The following PRUNE2 variants were observed in gnomAD, a reference collection of about 807,000 sequenced individuals.
PRUNE2 encodes the protein protein prune homolog 2.
PRUNE2 carries 164 observed loss-of-function variants against 252.0 expected under a neutral mutation model. That is an observed-to-expected ratio of 0.65 (90% confidence interval 0.57 to 0.74). The LOEUF is 0.74. Among genes scored for constraint, PRUNE2 ranks in the 30% least tolerant of loss-of-function variants. The pLI, the probability that PRUNE2 is intolerant of heterozygous loss-of-function variation, is 0.00. For synonymous variants in PRUNE2, 1,292 were observed against 1,350.2 expected, an observed-to-expected ratio of 0.96 and a Z score of 0.94; for missense variants, 3,495 against 3,711.0, an observed-to-expected ratio of 0.94 and a Z score of 1.51.
chr9:76,699,943 T>C (rs2045736496), intron 9 of PRUNE2, among the ~76,000 whole-genome samples: 1 of 152,308 alleles, frequency 6.6e-6, no homozygotes, highest in East Asian at 1.9e-4. Context: ...CATCCATCAC[T>C]GTCTTGGGGA....
chr9:76,821,963 C>A (rs1358357233), intron 6 of PRUNE2, among the ~76,000 whole-genome samples: 2 of 152,012 alleles, frequency 1.3e-5, no homozygotes, highest in African/African-American at 4.8e-5. Context: ...GAAGGAATTC[C>A]AAACAAGGCA....
chr9:76,866,584 T>C (rs2060850784), intron 1 of PRUNE2, among the ~76,000 whole-genome samples: 1 of 152,202 alleles, frequency 6.6e-6, no homozygotes, highest in Non-Finnish European at 1.5e-5. Flanking sequence ...TAGCCCTTTT[T>C]GCAAAACGCT....
intron 6 of PRUNE2, among the ~76,000 whole-genome samples, chr9:76,720,439 G>C (rs2047534806): frequency 6.6e-6 from 1 of 152,116 alleles, no homozygotes; most frequent in African/African-American, 2.4e-5. Context: ...TCACTAGCTG[G>C]GTGACTCAAA....
intron 1 of PRUNE2, among the ~76,000 whole-genome samples, chr9:76,882,996 G>T (rs1039951281): frequency 6.6e-6 from 1 of 152,064 alleles, no homozygotes; most frequent in African/African-American, 2.4e-5. Flanking sequence ...CCTCTTTCAG[G>T]CCTCAGTTTT....
At position 76,802,752 on chromosome 9, in the gene PRUNE2, T is replaced by C. The variant is rs1457669254; in HGVS notation, c.756+20880A>G. The stretch of plus-strand genomic sequence containing the variant: ...AGAGAAAGCTTCATGCACTTTAAAT[T>C]TGTCTACAAAAAAAAAGTACTAATA... On this transcript the variant is annotated intron_variant, in intron 6 of 18. Transcript: ENST00000376718. Among the ~76,000 whole-genome samples the C allele has an allele frequency of 3.4e-5, 5 of 148,614 alleles. No individual in the cohort carries two copies. The South Asian group carries it at 6.6e-4, about 20-fold the overall frequency.
In PRUNE2 at chr9:76,709,759, T is replaced by G. The variant is rs1184187919; in HGVS notation, c.2515A>C (p.Ser839Arg). The change falls in exon 8 of 19, where the codon AGT (serine) becomes CGT (arginine). Residue 839 changes from serine to arginine, a missense_variant. Transcript: ENST00000376718. ...RDPNEWAMAKSGFAFSSSELL... is the reference protein window; with the variant it reads ...RDPNEWAMAKRGFAFSSSELL... Reference sequence around the variant, plus strand: ...TCTGAAGAAGAAAAGGCAAACCCACTTTTTGCCATGGCCCACTCATTCGGG... The same window carrying G: ...TCTGAAGAAGAAAAGGCAAACCCACGTTTTGCCATGGCCCACTCATTCGGG... 2 of 1,613,874 alleles carry G rather than the reference T, an allele frequency of 1.2e-6. No homozygotes were observed. Among genetic ancestry groups the G allele is most frequent in the African/African-American group, 2.7e-5 (2 of 74,934 alleles).
chr9:76,831,385 T>C (rs981796918), intron 4 of PRUNE2, among the ~76,000 whole-genome samples: 14 of 152,218 alleles, frequency 9.2e-5, no homozygotes, highest in East Asian at 3.9e-4. Flanking sequence ...AAGAAAAACA[T>C]TGGACAATGT....
intron 13 of PRUNE2, 77 bp from the exon 14 acceptor site, chr9:76,637,626 C>T: frequency 2.2e-6 from 3 of 1,336,756 alleles, no homozygotes; most frequent in Admixed American, 2.1e-5. Flanking sequence ...ATCAAAAGTA[C>T]AGGGTGTATG....
At chr9:76,663,844 T>A (rs938091998) in intron 9 of PRUNE2, among the ~76,000 whole-genome samples, 2 of 152,204 alleles carry the variant, frequency 1.3e-5, no homozygotes, top group Non-Finnish European at 2.9e-5. Flanking sequence ...ATGAATAGAT[T>A]TGTTTGTTGT....
intron 1 of PRUNE2, among the ~76,000 whole-genome samples, chr9:76,854,716 T>G (rs1393501019): frequency 6.6e-6 from 1 of 152,108 alleles, no homozygotes; most frequent in Non-Finnish European, 1.5e-5. Context: ...ATTTAGTAAA[T>G]GAAACTTGTA....
intron 4 of PRUNE2, among the ~76,000 whole-genome samples, chr9:76,828,540 A>G (rs1172321938): frequency 1.3e-5 from 2 of 152,214 alleles, no homozygotes; most frequent in African/African-American, 2.4e-5. Context: ...AAAAATTTAG[A>G]TAAGGAATAT....
chr9:76,761,676 G>A (rs1424874703), intron 6 of PRUNE2, among the ~76,000 whole-genome samples: 2 of 152,118 alleles, frequency 1.3e-5, no homozygotes, highest in African/African-American at 4.8e-5. Flanking sequence ...GAAAGTGAAA[G>A]TCTTTAGAAA....
At chr9:76,750,912 A>T (rs2050555420) in intron 6 of PRUNE2, among the ~76,000 whole-genome samples, 1 of 152,212 alleles carries the variant, frequency 6.6e-6, no homozygotes, top group Non-Finnish European at 1.5e-5. Flanking sequence ...GGGAATGTGG[A>T]CTGGGATTGA....
intron 2 of PRUNE2, among the ~76,000 whole-genome samples, chr9:76,853,414 C>T (rs116288740): frequency 9.9e-5 from 15 of 152,074 alleles, no homozygotes; most frequent in East Asian, 9.6e-4. Flanking sequence ...TTAGGCTTTA[C>T]GTTAATAAAA....
At chr9:76,858,277 A>G (rs1443876015) in intron 1 of PRUNE2, among the ~76,000 whole-genome samples, 1 of 152,186 alleles carries the variant, frequency 6.6e-6, no homozygotes, top group African/African-American at 2.4e-5. Flanking sequence ...GAACCAAATA[A>G]TCAGATAATT....
intron 6 of PRUNE2, among the ~76,000 whole-genome samples, chr9:76,745,305 T>C (rs905528756): frequency 6.6e-6 from 1 of 152,200 alleles, no homozygotes; most frequent in African/African-American, 2.4e-5. Context: ...CAGGCTAGGA[T>C]GAGAGGAATT....
Position 76,709,113 on chromosome 9 carries a change from T to A in PRUNE2, c.3161A>T (p.Glu1054Val), listed in dbSNP as rs576501574. ...ACCATCTGTGTGCTCTGTCTTGAGT[T>A]CATTTTCATCCAGGTTGTGAGTGGT... is the stretch of plus-strand genomic sequence containing the variant. ...INTTHNLDEN[E>V]LKTEHTDGKN... Residue 1054 changes from glutamate to valine, a missense_variant, in exon 8 of 19, where the codon GAA (glutamate) becomes GTA (valine). By Grantham distance (121) the Glu-to-Val change is moderately radical. Transcript: ENST00000376718. The A allele has an allele frequency of 6.2e-7, 1 of 1,614,008 alleles. No homozygotes were observed. The highest frequency in any genetic ancestry group is 1.1e-5 in the South Asian group (1 of 91,084).
At chr9:76,658,364 C>G (rs1850040434) in intron 9 of PRUNE2, among the ~76,000 whole-genome samples, 1 of 152,080 alleles carries the variant, frequency 6.6e-6, no homozygotes, top group South Asian at 2.1e-4. Flanking sequence ...GTCCCACTCC[C>G]CCCCAAAAAG....
At chr9:76,760,453 C>T (rs565716767) in intron 6 of PRUNE2, among the ~76,000 whole-genome samples, 21 of 152,266 alleles carry the variant, frequency 1.4e-4, no homozygotes, top group African/African-American at 5.1e-4. Flanking sequence ...CTCTAATCTA[C>T]TTTTTCCCTT....
Sources: gnomAD v4.1 joint callset for allele counts (sites outside exome capture counted in the v4.1 genomes callset) on GRCh38, gnomAD v4.1.1 for gene constraint, MANE v1.5 for transcripts, NCBI Gene and HGNC (gene_info 2026-07-23, HGNC 2026-07-21) for gene names.